The following PHACTR1 variants were observed in gnomAD, a reference collection of about 807,000 sequenced individuals.
PHACTR1 encodes phosphatase and actin regulator 1.
A neutral mutation model predicts 69.2 loss-of-function variants in PHACTR1; 16 were observed. The observed-to-expected ratio is 0.23, with a 90% CI of 0.16 to 0.35. The LOEUF (loss-of-function observed/expected upper bound fraction) is 0.35. Ranked by LOEUF, PHACTR1 falls within the 10% of genes least tolerant of loss-of-function variation. The pLI is 1.00. For synonymous variants in PHACTR1, 312 were observed against 284.5 expected (o/e 1.10, Z -0.97); for missense variants, 510 against 734.7 (o/e 0.69, Z 3.54).
At chr6:13,218,621 AC>A (rs887995130) in intron 8 of PHACTR1, among the ~76,000 whole-genome samples, 2 of 152,034 alleles carry the variant, frequency 1.3e-5, no homozygotes, top group African/African-American at 4.8e-5. Context: ...GGAGTTTGAG[AC>A]CAGTCTGGCC....
chr6:13,041,335 TACATACAC>T (rs1201635264), intron 4 of PHACTR1, among the ~76,000 whole-genome samples: 1 of 38,662 alleles, frequency 2.6e-5, no homozygotes, highest in Non-Finnish European at 5.4e-5. Flanking sequence ...GTAATTAAAA[TACATACAC>T]ACACACACAC....
At chr6:13,167,969 C>T (rs906814612) in intron 6 of PHACTR1, among the ~76,000 whole-genome samples, 12 of 152,210 alleles carry the variant, frequency 7.9e-5, no homozygotes, top group Non-Finnish European at 1.6e-4. Context: ...AATGTAGACT[C>T]GAGCCTTCTT....
chr6:12,942,736 C>T (rs1790183653), intron 4 of PHACTR1, among the ~76,000 whole-genome samples: 1 of 152,180 alleles, frequency 6.6e-6, no homozygotes, highest in African/African-American at 2.4e-5. Flanking sequence ...AACTCCAATG[C>T]CCTAGTGTTT....
rs76943872 is a variant in PHACTR1 at position 12,987,461 on chromosome 6, G to A, written c.251-65904G>A. ...GCATTTTAGCTGAAACAAAGCATGAGCAAAAGCAAAGTGCTGAAGACAAAT... is the reference window on the plus strand; with the variant it reads ...GCATTTTAGCTGAAACAAAGCATGAACAAAAGCAAAGTGCTGAAGACAAAT... On this transcript the variant is annotated intron_variant, in intron 4 of 14. Coordinates refer to ENST00000332995, the MANE Select transcript of PHACTR1 (RefSeq NM_030948.6). 6.8e-3 allele frequency among the ~76,000 whole-genome samples: 1,042 copies of A among 152,288 alleles called. 7 individuals are homozygous for A. The highest frequency in any genetic ancestry group is 0.02 in the Middle Eastern group (6 of 294).
chr6:12,816,922 A>G (rs1156864175), intron 4 of PHACTR1, among the ~76,000 whole-genome samples: 2 of 152,210 alleles, frequency 1.3e-5, no homozygotes, highest in Non-Finnish European at 2.9e-5. Flanking sequence ...GGAAAAAAAC[A>G]CTTTGCCAAC....
At chr6:12,792,464 C>CAAAAAAAAAAAAAAAA (rs60942588) in intron 4 of PHACTR1, among the ~76,000 whole-genome samples, 4 of 31,398 alleles carry the variant, frequency 1.3e-4, no homozygotes, top group African/African-American at 1.5e-4. Context: ...AACTCCATGT[C>CAAAAAAAAAAAAAAAA]AAAAAAAAAA....
chr6:13,009,970 C>T (rs1230775948), intron 4 of PHACTR1, among the ~76,000 whole-genome samples: 1 of 152,106 alleles, frequency 6.6e-6, no homozygotes, highest in African/African-American at 2.4e-5. Context: ...ACAATAATCA[C>T]TGCAGAACTC....
chr6:12,845,425 A>ACCCCCCCC (rs1332657788), intron 4 of PHACTR1, among the ~76,000 whole-genome samples: 19 of 14,832 alleles, frequency 1.3e-3, no homozygotes, highest in South Asian at 5.6e-3. Flanking sequence ...TGTGAACACC[A>ACCCCCCCC]CCCACCCCCC....
chr6:13,287,196 T>A lies in PHACTR1; in HGVS notation c.*118T>A. 1 of 1,046,666 alleles carries A rather than the reference T, an allele frequency of 9.6e-7. No homozygotes were observed. The highest frequency in any genetic ancestry group is 1.4e-6 in the Non-Finnish European group (1 of 730,594). 64.8% of individuals were successfully genotyped at this position (1,046,666 alleles called of 1,614,324 possible). On this transcript the variant is annotated 3_prime_UTR_variant, in exon 15 of 15. Transcript: ENST00000332995. ...GTAAATCTTCTGAACTGCCTTTTTTTTAAAAAGAAGAAAAATCAAGGAAAC... is the reference window on the plus strand; with the variant it reads ...GTAAATCTTCTGAACTGCCTTTTTTATAAAAAGAAGAAAAATCAAGGAAAC...
chr6:12,788,488 G>A (rs1009758815), intron 4 of PHACTR1, among the ~76,000 whole-genome samples: 15 of 152,180 alleles, frequency 9.9e-5, no homozygotes, highest in African/African-American at 3.6e-4. Flanking sequence ...AGGACACTGA[G>A]AATATATTGG....
At chr6:12,952,650 T>G (rs1349050417) in intron 4 of PHACTR1, among the ~76,000 whole-genome samples, 2 of 152,234 alleles carry the variant, frequency 1.3e-5, no homozygotes, top group Non-Finnish European at 2.9e-5. Flanking sequence ...TTCCAACTTT[T>G]GGCAATTATG....
intron 10 of PHACTR1, chr6:13,267,484 T>TC (rs1247869300): frequency 6.6e-6 from 1 of 151,604 alleles, no homozygotes; most frequent in Non-Finnish European, 1.5e-5. Flanking sequence ...GAATGGTTTT[T>TC]TTCTGACTCA....
chr6:13,168,684 A>G (rs1201108108), intron 6 of PHACTR1, among the ~76,000 whole-genome samples: 1 of 152,150 alleles, frequency 6.6e-6, no homozygotes, highest in Non-Finnish European at 1.5e-5. Flanking sequence ...AAGGAGTGGT[A>G]TCTTAGAGGA....
intron 4 of PHACTR1, among the ~76,000 whole-genome samples, chr6:12,796,741 A>G (rs1375632620): frequency 6.6e-6 from 1 of 152,186 alleles, no homozygotes; most frequent in Non-Finnish European, 1.5e-5. Flanking sequence ...AGAACCCCAA[A>G]GCTAGAGTCC....
At chr6:13,049,330 C>T (rs1170189570) in intron 4 of PHACTR1, among the ~76,000 whole-genome samples, 1 of 152,058 alleles carries the variant, frequency 6.6e-6, no homozygotes, top group African/African-American at 2.4e-5. Context: ...AATGCAGTTA[C>T]CCAGTTATCT....
At chr6:12,788,846 A>C (rs568948596) in intron 4 of PHACTR1, among the ~76,000 whole-genome samples, 1 of 152,252 alleles carries the variant, frequency 6.6e-6, no homozygotes, top group Non-Finnish European at 1.5e-5. Flanking sequence ...TAAATTCTGC[A>C]TTGAAGACTT....
chr6:13,129,141 C>T (rs553682901), intron 5 of PHACTR1, among the ~76,000 whole-genome samples: 1 of 152,190 alleles, frequency 6.6e-6, no homozygotes, highest in Non-Finnish European at 1.5e-5. Context: ...CACTACAAGA[C>T]ATGCTAAAAA....
At chr6:12,936,198 C>A (rs1331141831) in intron 4 of PHACTR1, among the ~76,000 whole-genome samples, 1 of 152,148 alleles carries the variant, frequency 6.6e-6, no homozygotes, top group Non-Finnish European at 1.5e-5. Flanking sequence ...TCATTTTTCA[C>A]TTCAAAGTAG....
rs1416868510 is a variant in PHACTR1 at position 12,791,243 on chromosome 6, T to C, written c.250+41453T>C. Reference sequence around the variant, plus strand: ...TAGAAGTTTTTAGAGGACATGGACATGTTTTTTGAATGAGGATATTAACAA... The same window carrying C: ...TAGAAGTTTTTAGAGGACATGGACACGTTTTTTGAATGAGGATATTAACAA... On this transcript the variant is annotated intron_variant, in intron 4 of 14. Transcript: ENST00000332995. Among the ~76,000 whole-genome samples the C allele has an allele frequency of 2.0e-5, 3 of 152,208 alleles. No homozygotes were observed. In the East Asian group the frequency reaches 5.8e-4, roughly 29 times the overall value.
Sources: allele counts gnomAD v4.1 joint callset (sites outside exome capture counted in the v4.1 genomes callset), GRCh38; gene constraint gnomAD v4.1.1; transcripts MANE v1.5; gene names NCBI Gene and HGNC (gene_info 2026-07-23, HGNC 2026-07-21).